MOSMO: variants seen among roughly 807,000 people sequenced by gnomAD.
MOSMO encodes modulator of smoothened, also known as modulator of smoothened protein.
Under a neutral mutation model 18.4 loss-of-function variants are expected in MOSMO, and 5 were observed. That is an observed-to-expected ratio of 0.27 (90% CI 0.14 to 0.57). The LOEUF is 0.57. Among genes scored for constraint, MOSMO ranks in the 20% least tolerant of loss-of-function variants. The pLI is 0.92. For synonymous variants in MOSMO, 82 were observed against 82.3 expected, an observed-to-expected ratio of 1.00 and a Z score of 0.02; for missense variants, 138 against 211.8, an observed-to-expected ratio of 0.65 and a Z score of 2.16.
chr16:22,027,622 G>A (rs2141991863), intron 1 of MOSMO, among the ~76,000 whole-genome samples: 1 of 152,264 alleles, frequency 6.6e-6, no homozygotes, highest in South Asian at 2.1e-4. Context: ...AGATTTATGA[G>A]TGATAGGGAC....
intron 1 of MOSMO, among the ~76,000 whole-genome samples, chr16:22,022,804 A>G (rs1259540609): frequency 1.3e-5 from 2 of 152,176 alleles, no homozygotes; most frequent in Non-Finnish European, 2.9e-5. Flanking sequence ...AGAATTTACC[A>G]GTTTGCAACC....
At chr16:22,071,087 G>GT (rs757646224) in intron 1 of MOSMO, among the ~76,000 whole-genome samples, 33 of 152,152 alleles carry the variant, frequency 2.2e-4, no homozygotes, top group Non-Finnish European at 4.4e-4. Flanking sequence ...TTGTGGTAGA[G>GT]TATTTTTTGG....
chr16:22,040,427 A>G (rs1433828065), intron 1 of MOSMO, among the ~76,000 whole-genome samples: 1 of 152,216 alleles, frequency 6.6e-6, no homozygotes, highest in Non-Finnish European at 1.5e-5. Context: ...TAAAAATTAC[A>G]AAGAAGGATG....
Position 22,080,908 on chromosome 16 carries a change from T to A in MOSMO, c.*28T>A. 1 of 1,119,238 alleles carries A rather than the reference T, an allele frequency of 8.9e-7. No individual in the cohort carries two copies. Among genetic ancestry groups the A allele is most frequent in the Non-Finnish European group, 1.2e-6 (1 of 859,770 alleles). The allele number at this position is 1,119,238 out of a possible 1,614,324, so 69.3% of individuals were successfully genotyped here. On this transcript the variant is annotated 3_prime_UTR_variant, in exon 3 of 3. Transcript: ENST00000542527. Reference sequence around the variant, plus strand: ...AATGTCTAAATTGCTTGACTCTTATTATTTTTTATTTTATTTTATTTTTTT... The same window carrying A: ...AATGTCTAAATTGCTTGACTCTTATAATTTTTTATTTTATTTTATTTTTTT...
chr16:22,017,723 ATACCCT>A (rs1406988422), intron 1 of MOSMO, among the ~76,000 whole-genome samples: 1 of 152,194 alleles, frequency 6.6e-6, no homozygotes, highest in Non-Finnish European at 1.5e-5. Flanking sequence ...TTTCAATAAT[ATACCCT>A]TACTGTGTAT....
chr16:22,052,521 A>G (rs541393692), intron 1 of MOSMO, among the ~76,000 whole-genome samples: 5 of 152,328 alleles, frequency 3.3e-5, no homozygotes, highest in African/African-American at 1.2e-4. Flanking sequence ...AACAGATTCT[A>G]GAGGAATTCT....
intron 1 of MOSMO, among the ~76,000 whole-genome samples, chr16:22,036,612 T>G (rs1429898785): frequency 6.6e-6 from 1 of 152,096 alleles, no homozygotes; most frequent in Admixed American, 6.5e-5. Flanking sequence ...CGTGCCCAGC[T>G]AAGTTTTAAA....
chr16:22,029,314 G>A (rs1899947520), intron 1 of MOSMO, among the ~76,000 whole-genome samples: 1 of 152,202 alleles, frequency 6.6e-6, no homozygotes, highest in African/African-American at 2.4e-5. Flanking sequence ...AGGGTTGCCT[G>A]TAGTTATTTC....
rs140542031 is a variant in MOSMO at position 22,073,632 on chromosome 16, C to G, written c.107-1855C>G. 3.3e-5 allele frequency among the ~76,000 whole-genome samples: 5 copies of G among 151,720 alleles called. No homozygotes were observed. In the East Asian group the frequency reaches 7.8e-4, roughly 24 times the overall value. ...TTCCCTGGTGCCTACTCACCTCTAC[C>G]AAATCCTCTCTTCTGGTTTCAAGCA... On this transcript the variant is annotated intron_variant, in intron 1 of 2. Coordinates refer to ENST00000542527, the MANE Select transcript of MOSMO (RefSeq NM_001164579.2).
chr16:22,089,388 G>A (rs549664143), downstream of MOSMO, among the ~76,000 whole-genome samples: 8 of 152,184 alleles, frequency 5.3e-5, no homozygotes, highest in African/African-American at 9.6e-5. Flanking sequence ...TTATAGTGCC[G>A]ACTTCCTTGA....
intron 1 of MOSMO, among the ~76,000 whole-genome samples, chr16:22,071,710 G>T (rs926458211): frequency 6.6e-6 from 1 of 152,126 alleles, no homozygotes; most frequent in Non-Finnish European, 1.5e-5. Flanking sequence ...TTTTCCTATT[G>T]TGTACAAGTC....
chr16:22,033,875 G>A (rs1375480314), intron 1 of MOSMO, among the ~76,000 whole-genome samples: 1 of 151,954 alleles, frequency 6.6e-6, no homozygotes, highest in Non-Finnish European at 1.5e-5. Flanking sequence ...GCCTATAGTT[G>A]GGCAAAATCA....
At chr16:22,025,446 C>T (rs374814984) in intron 1 of MOSMO, among the ~76,000 whole-genome samples, 1 of 152,070 alleles carries the variant, frequency 6.6e-6, no homozygotes, top group Admixed American at 6.5e-5. Flanking sequence ...AAATTCTAGT[C>T]CATGGACAAC....
At chr16:22,067,320 A>G (rs1486045665) in intron 1 of MOSMO, among the ~76,000 whole-genome samples, 1 of 152,234 alleles carries the variant, frequency 6.6e-6, no homozygotes, top group Admixed American at 6.5e-5. Context: ...AACAATGGCT[A>G]AAAACTCCCC....
chr16:22,089,587 G>A (rs569581447), downstream of MOSMO, among the ~76,000 whole-genome samples: 134 of 152,170 alleles, frequency 8.8e-4, no homozygotes, highest in Non-Finnish European at 1.5e-3. Flanking sequence ...GCAGAGGTTC[G>A]TGGTTCAAAC....
chr16:22,056,037 C>T (rs917323909), intron 1 of MOSMO, among the ~76,000 whole-genome samples: 2 of 152,112 alleles, frequency 1.3e-5, no homozygotes, highest in Non-Finnish European at 2.9e-5. Context: ...ACACTGTGGT[C>T]CCAAAAGACC....
chr16:22,036,368 C>T (rs944945423), intron 1 of MOSMO, among the ~76,000 whole-genome samples: 11 of 152,172 alleles, frequency 7.2e-5, no homozygotes, highest in African/African-American at 2.7e-4. Flanking sequence ...TCAGGAGATC[C>T]TCCCGCCTCA....
chr16:22,035,982 C>T (rs1160803802), intron 1 of MOSMO, among the ~76,000 whole-genome samples: 1 of 152,010 alleles, frequency 6.6e-6, no homozygotes, highest in East Asian at 1.9e-4. Context: ...GGTCTTGTAT[C>T]CTGCAATCTT....
At chr16:22,062,483 C>T (rs908027239) in intron 1 of MOSMO, among the ~76,000 whole-genome samples, 7 of 151,964 alleles carry the variant, frequency 4.6e-5, no homozygotes, top group South Asian at 2.1e-4. Flanking sequence ...TCACGATGCC[C>T]GGCTGATTTT....
Sources: gnomAD v4.1 joint callset for allele counts (sites outside exome capture counted in the v4.1 genomes callset) on GRCh38, gnomAD v4.1.1 for gene constraint, MANE v1.5 for transcripts, NCBI Gene and HGNC (gene_info 2026-07-23, HGNC 2026-07-21) for gene names.